ZNF268: variants seen among roughly 807,000 people sequenced by gnomAD.
ZNF268 encodes zinc finger protein 3.
ZNF268 carries 20 observed loss-of-function variants against 29.3 expected under a neutral mutation model. That is an observed-to-expected ratio of 0.68 (90% CI 0.48 to 0.99). ZNF268 has a LOEUF of 0.99. ZNF268 is among the 50% of genes least tolerant of loss of function. The probability of loss-of-function intolerance (pLI) is 0.00; values close to 1 mark genes in which losing one functional copy is unlikely to be tolerated. For missense variants in ZNF268, 1,240 were observed against 1,121.6 expected, an observed-to-expected ratio of 1.11 and a Z score of -1.51; for synonymous variants, 429 against 376.9, an observed-to-expected ratio of 1.14 and a Z score of -1.60.
At chr12:133,181,780 C>G (rs1956182472) in intron 1 of ZNF268, 94 bp downstream of exon 1, 3 of 591,070 alleles carry the variant, frequency 5.1e-6, no homozygotes, top group Non-Finnish European at 9.1e-6. Context: ...GTTGCCTGAC[C>G]CTAACCTGTG....
Position 133,203,347 on chromosome 12 carries a change from A to AC in ZNF268, c.1665dup (p.Tyr556LeufsTer2). 6.5e-7 allele frequency: 1 copy of AC among 1,547,884 alleles called. No homozygotes were observed. The highest frequency in any genetic ancestry group is 8.7e-7 in the Non-Finnish European group (1 of 1,151,034). On this transcript the variant is annotated frameshift_variant, in exon 6 of 6. Coordinates refer to ENST00000536435, the MANE Select transcript of ZNF268 (RefSeq NM_003415.3). LOFTEE classifies it low-confidence loss of function (END_TRUNC). ...CATCAGAGGATTCATACAGGAGAGA[A>AC]CCCCTATGAATGCCATGAATGTGGG... is the stretch of plus-strand genomic sequence containing the variant.
At chr12:133,188,448 C>G (rs1012225216) in intron 3 of ZNF268, among the ~76,000 whole-genome samples, 5 of 152,174 alleles carry the variant, frequency 3.3e-5, no homozygotes, top group African/African-American at 1.2e-4. Flanking sequence ...CCTCCTGCCT[C>G]AGCCTCCTGA....
intron 2 of ZNF268, 140 bp downstream of exon 2, chr12:133,182,170 A>G (rs1230201754): frequency 2.8e-6 from 2 of 711,052 alleles, no homozygotes; most frequent in Non-Finnish European, 4.6e-6. Flanking sequence ...CATTTATAGC[A>G]TGTTAGACTT....
In ZNF268 at chr12:133,209,300, G is replaced by A. The variant is rs1194977986; in HGVS notation, c.*4770G>A. On this transcript the variant is annotated 3_prime_UTR_variant, in exon 6 of 6. Transcript: ENST00000536435. Reference sequence around the variant, plus strand: ...GTTATTTATTTCTTGTAGAGATGGGGTTTTACCATGTTTTCCAGTCTGGTT... The same window carrying A: ...GTTATTTATTTCTTGTAGAGATGGGATTTTACCATGTTTTCCAGTCTGGTT... 6.6e-6 allele frequency: 1 copy of A among 152,024 alleles called. No individual in the cohort carries two copies. Among genetic ancestry groups the A allele is most frequent in the African/African-American group, 2.4e-5 (1 of 41,374 alleles). The allele number at this position is 152,024 out of a possible 1,614,324, so 9.4% of individuals were successfully genotyped here.
chr12:133,196,289 T>C (rs1407208659), intron 5 of ZNF268, among the ~76,000 whole-genome samples: 6 of 131,578 alleles, frequency 4.6e-5, no homozygotes, highest in Non-Finnish European at 9.2e-5. Flanking sequence ...ACCACTGCAC[T>C]CCAGCCTGGC....
chr12:133,202,577 T>A lies in ZNF268; in HGVS notation c.891T>A (p.Thr297=). 1 of 1,609,008 alleles carries A rather than the reference T, an allele frequency of 6.2e-7. No homozygotes were observed. Among genetic ancestry groups the A allele is most frequent in the Non-Finnish European group, 8.5e-7 (1 of 1,177,354 alleles). ...CATACCTTCTAGTGCATCAGCAAAC[T>A]CATGCCGAAGAGAAACCCTATGGTT... is the stretch of plus-strand genomic sequence containing the variant. The part of the protein sequence containing the change: ...SKSYLLVHQQ[T]HAEEKPYGCN... The change falls in exon 6 of 6, where the codon ACT becomes ACA. Residue 297 remains threonine, a synonymous_variant. Coordinates refer to ENST00000536435, the MANE Select transcript of ZNF268 (RefSeq NM_003415.3).
At chr12:133,188,203 A>C (rs1593881075) in intron 3 of ZNF268, 131 bp downstream of exon 3, 16 of 841,856 alleles carry the variant, frequency 1.9e-5, no homozygotes, top group South Asian at 1.9e-5. Context: ...AAACCCCCCC[A>C]CTTTTTTTTT....
chr12:133,202,322 T>C lies in ZNF268; in HGVS notation c.636T>C (p.Tyr212=), dbSNP rs569080960. Residue 212 remains tyrosine, a synonymous_variant, in exon 6 of 6, where the codon TAT becomes TAC. Transcript: ENST00000536435. ...KCGTHGKSLK[Y]IDFTSDYARN... Reference sequence around the variant, plus strand: ...GCACGCATGGAAAGAGTTTGAAATATATAGATTTCACTAGTGATTATGCTA... The same window carrying C: ...GCACGCATGGAAAGAGTTTGAAATACATAGATTTCACTAGTGATTATGCTA... 3 of 1,612,020 alleles carry C rather than the reference T, an allele frequency of 1.9e-6. No individual in the cohort carries two copies. Among genetic ancestry groups the C allele is most frequent in the Non-Finnish European group, 2.5e-6 (3 of 1,179,086 alleles).
In ZNF268 at chr12:133,211,439, G is replaced by C. The variant is rs1354165876; in HGVS notation, c.*6909G>C. 1 of 195,020 alleles carries C rather than the reference G, an allele frequency of 5.1e-6. No individual in the cohort carries two copies. Among genetic ancestry groups the C allele is most frequent in the Non-Finnish European group, 1.1e-5 (1 of 92,862 alleles). The allele number at this position is 195,020 out of a possible 1,614,324, so 12.1% of individuals were successfully genotyped here. ...TCTACTAAAAATACAAAATTAGCCA[G>C]GCGTGGTGGCGCTACTCTGCCACCA... On this transcript the variant is annotated 3_prime_UTR_variant, in exon 6 of 6. Transcript: ENST00000536435.
At chr12:133,197,028 CTT>C (rs34487541) in intron 5 of ZNF268, among the ~76,000 whole-genome samples, 49,730 of 139,930 alleles carry the variant, frequency 0.36, 8,796 homozygotes, top group African/African-American at 0.42. Context: ...TAGATCCTTT[CTT>C]TTTTTTTTTT....
Position 133,185,194 on chromosome 12 carries a change from A to AC in ZNF268, c.34-2678_34-2677insC, listed in dbSNP as rs970097531. On this transcript the variant is annotated intron_variant, in intron 2 of 5. Coordinates refer to ENST00000536435, the MANE Select transcript of ZNF268 (RefSeq NM_003415.3). ...GTGAGACTCTGTCTCAAAAAAAAAA[A>AC]AAAAAACAAAGAATGTGTGGTGGCT... Among the ~76,000 whole-genome samples, 49 of 151,776 alleles carry AC rather than the reference A, an allele frequency of 3.2e-4. No homozygotes were observed. In the East Asian group the frequency reaches 6.8e-3, roughly 21 times the overall value.
In ZNF268 at chr12:133,202,735, A is replaced by G. The variant is rs749334717; in HGVS notation, c.1049A>G (p.His350Arg). ...AGTTTCCATTCACAGCTTGTTATAC[A>G]TCAGAGAATTCACACAGGTGAGAAT... Reference protein sequence around the residue: ...TFSFHSQLVIHQRIHTGENPY... With the variant: ...TFSFHSQLVIRQRIHTGENPY... Residue 350 changes from histidine (H) to arginine (R), a missense_variant, in exon 6 of 6, where the codon CAT becomes CGT. By Grantham distance (29) the His-to-Arg change is conservative. This residue lies in a region of ZNF268 where 1,177 missense variants were observed against 1,039.6 expected (regional missense o/e 1.13). Transcript: ENST00000536435. 1.2e-5 allele frequency: 20 copies of G among 1,611,964 alleles called. No homozygotes were observed. The highest frequency in any genetic ancestry group is 1.1e-4 in the South Asian group (10 of 90,890).
intron 2 of ZNF268, among the ~76,000 whole-genome samples, chr12:133,182,788 G>C (rs763286057): frequency 1.3e-5 from 2 of 152,212 alleles, no homozygotes; most frequent in African/African-American, 2.4e-5. Context: ...AAAATGTTGA[G>C]TTTAATGGTG....
chr12:133,199,492 A>AT (rs1191458098), intron 5 of ZNF268, among the ~76,000 whole-genome samples: 4 of 124,410 alleles, frequency 3.2e-5, no homozygotes, highest in Non-Finnish European at 7.0e-5. Context: ...TTGGTCTAAA[A>AT]TTCTCTTTTT....
In ZNF268 at chr12:133,212,445, T is replaced by TTATATATA. The variant is rs565059550; in HGVS notation, c.*7961_*7968dup. ...CCAAGGGAGACTTTCATGTGTGATTTTATATATATATATATATATATATAT... is the reference window on the plus strand; with the variant it reads ...CCAAGGGAGACTTTCATGTGTGATTTTATATATATATATATATATATATATATATATAT... On this transcript the variant is annotated 3_prime_UTR_variant, in exon 6 of 6. Transcript: ENST00000536435. The TTATATATA allele has an allele frequency of 1.2e-3, 139 of 118,334 alleles. No homozygotes were observed. Among genetic ancestry groups the TTATATATA allele is most frequent in the Non-Finnish European group, 1.7e-3 (93 of 54,052 alleles). 7.3% of individuals were successfully genotyped at this position (118,334 alleles called of 1,614,324 possible).
In ZNF268 at chr12:133,207,203, TAAGGAAAATCC is replaced by T. The variant is rs1171116841; in HGVS notation, c.*2682_*2692del. ...AGAGACTTTTCAGGAATAGTTATTA[TAAGGAAAATCC>T]AAGGAAAAATAACCCCAATATTTTA... On this transcript the variant is annotated 3_prime_UTR_variant, in exon 6 of 6. Coordinates refer to ENST00000536435, the MANE Select transcript of ZNF268 (RefSeq NM_003415.3). 4 of 152,198 alleles carry T rather than the reference TAAGGAAAATCC, an allele frequency of 2.6e-5. No individual in the cohort carries two copies. Among genetic ancestry groups the T allele is most frequent in the Admixed American group, 2.6e-4 (4 of 15,268 alleles). 9.4% of individuals were successfully genotyped at this position (152,198 alleles called of 1,614,324 possible). A position where few individuals can be genotyped will look rare whatever the true frequency, so the allele number is the denominator to read the frequency against.
chr12:133,211,946 A>G lies in ZNF268; in HGVS notation c.*7416A>G, dbSNP rs897703537. 1.3e-5 allele frequency: 2 copies of G among 152,240 alleles called. No individual in the cohort carries two copies. Among genetic ancestry groups the G allele is most frequent in the African/African-American group, 4.8e-5 (2 of 41,464 alleles). 9.4% of individuals were successfully genotyped at this position (152,240 alleles called of 1,614,324 possible). On this transcript the variant is annotated 3_prime_UTR_variant, in exon 6 of 6. Coordinates refer to ENST00000536435, the MANE Select transcript of ZNF268 (RefSeq NM_003415.3). ...GTACTCACGTACAGCAGCTCTTTTC[A>G]TAACAGACAAATACTTTAAGGAATC... is the stretch of plus-strand genomic sequence containing the variant.
chr12:133,203,770 C>G lies in ZNF268; in HGVS notation c.2084C>G (p.Pro695Arg). 6.4e-7 allele frequency: 1 copy of G among 1,563,302 alleles called. No individual in the cohort carries two copies. The highest frequency in any genetic ancestry group is 8.6e-7 in the Non-Finnish European group (1 of 1,161,004). ...CAGAGAAGTCACACAGGAGTAAAAC[C>G]ATATGGATGCAGTGAGTGTGGGAAA... ...VHQRSHTGVKPYGCSECGKAF... is the reference protein window; with the variant it reads ...VHQRSHTGVKRYGCSECGKAF... Residue 695 changes from proline (P) to arginine (R), a missense_variant, in exon 6 of 6, where the codon CCA becomes CGA. Pro to Arg is a moderately radical substitution (Grantham distance 103, BLOSUM62 -2). This residue lies in a region of ZNF268 where 1,177 missense variants were observed against 1,039.6 expected (regional missense o/e 1.13). Transcript: ENST00000536435.
chr12:133,193,467 G>A, intron 5 of ZNF268: 1 of 697,422 alleles, frequency 1.4e-6, no homozygotes, highest in South Asian at 1.5e-5. Flanking sequence ...GTGCTGGCAG[G>A]TTTGGTGTCT....
Sources: allele counts gnomAD v4.1 joint callset (sites outside exome capture counted in the v4.1 genomes callset), GRCh38; gene constraint gnomAD v4.1.1; regional missense constraint gnomAD v4.1.1; transcripts MANE v1.5; gene names NCBI Gene and HGNC (gene_info 2026-07-23, HGNC 2026-07-21).